EPHA10: variants seen among roughly 807,000 people sequenced by gnomAD.
EPHA10 encodes ephrin type-A receptor 10.
In EPHA10, 120 loss-of-function variants were observed where a neutral mutation model predicts 109.7. The observed-to-expected ratio is 1.09, with a 90% confidence interval of 0.94 to 1.27. The LOEUF is 1.27. Ranked by LOEUF, EPHA10 falls within the 50% of genes most tolerant of loss-of-function variation. The pLI, the probability that EPHA10 is intolerant of heterozygous loss-of-function variation, is 0.00. For synonymous variants in EPHA10, 640 were observed against 618.9 expected (o/e 1.03, Z -0.51); for missense variants, 1,396 against 1,411.1 (o/e 0.99, Z 0.17).
chr1:37,740,088 TAAATAA>T (rs918378110), intron 5 of EPHA10, among the ~76,000 whole-genome samples: 1 of 151,704 alleles, frequency 6.6e-6, no homozygotes, highest in African/African-American at 2.4e-5. Context: ...AAAAAATAAA[TAAATAA>T]AAATAAAGGA....
chr1:37,720,314 A>G (rs1178857849), intron 13 of EPHA10, 37 bp downstream of exon 13: 2 of 1,564,840 alleles, frequency 1.3e-6, no homozygotes, highest in Non-Finnish European at 1.7e-6. Flanking sequence ...GGTGGGAACC[A>G]GAAGGCACAG....
intron 1 of EPHA10, among the ~76,000 whole-genome samples, chr1:37,763,596 TG>T (rs1418072131): frequency 2.0e-5 from 3 of 151,878 alleles, no homozygotes; most frequent in Non-Finnish European, 4.4e-5. Flanking sequence ...GCTCTCAGAT[TG>T]GGGGTGGGAG....
At chr1:37,722,456 G>T (rs935985552) in intron 10 of EPHA10, among the ~76,000 whole-genome samples, 3 of 152,202 alleles carry the variant, frequency 2.0e-5, no homozygotes, top group Non-Finnish European at 4.4e-5. Context: ...CAGGCTCCCA[G>T]TGAAAGCAGC....
At chr1:37,758,161 C>T (rs571598909) in intron 3 of EPHA10, among the ~76,000 whole-genome samples, 1 of 152,250 alleles carries the variant, frequency 6.6e-6, no homozygotes, top group South Asian at 2.1e-4. Flanking sequence ...TGACTAAAAT[C>T]TGGCCTGCTT....
intron 5 of EPHA10, among the ~76,000 whole-genome samples, chr1:37,748,480 G>A (rs1022640217): frequency 6.6e-6 from 1 of 152,180 alleles, no homozygotes; most frequent in Non-Finnish European, 1.5e-5. Context: ...CTGTCCCAGA[G>A]CAGAGAAAAA....
intron 3 of EPHA10, among the ~76,000 whole-genome samples, chr1:37,758,033 A>G (rs1375556726): frequency 6.6e-6 from 1 of 152,176 alleles, no homozygotes; most frequent in African/African-American, 2.4e-5. Flanking sequence ...TAACCTCATC[A>G]AATACTACAT....
chr1:37,718,872 G>A, intron 15 of EPHA10, 56 bp from the exon 16 acceptor site: 2 of 1,544,184 alleles, frequency 1.3e-6, no homozygotes, highest in Non-Finnish European at 1.7e-6. Context: ...CCCACACCTG[G>A]TGGTCTCCCG....
intron 5 of EPHA10, among the ~76,000 whole-genome samples, chr1:37,752,474 T>G (rs579086): frequency 0.34 from 51,592 of 151,618 alleles, 8,815 homozygotes; most frequent in Middle Eastern, 0.46. Flanking sequence ...AAAGGGAAGG[T>G]AAGAGATTAA....
In EPHA10 at chr1:37,722,480, C is replaced by T. The variant is rs569397692; in HGVS notation, c.1960+561G>A. 1.1e-3 allele frequency among the ~76,000 whole-genome samples: 171 copies of T among 152,312 alleles called. 1 individual carries two copies. Among genetic ancestry groups the T allele is most frequent in the African/African-American group, 3.9e-3 (162 of 41,568 alleles). On this transcript the variant is annotated intron_variant, in intron 10 of 16. Coordinates refer to ENST00000373048, the MANE Select transcript of EPHA10 (RefSeq NM_001099439.2). The stretch of plus-strand genomic sequence containing the variant: ...AGTGAAAGCAGCTACCGTCTCTGAG[C>T]ACAGGAGGCTGAGGATTTGTAGTCA...
chr1:37,753,101 G>A lies in EPHA10; in HGVS notation c.1132C>T (p.Leu378=). 2 of 1,367,176 alleles carry A rather than the reference G, an allele frequency of 1.5e-6. No individual in the cohort carries two copies. Among genetic ancestry groups the A allele is most frequent in the Non-Finnish European group, 1.9e-6 (2 of 1,058,410 alleles). The allele number at this position is 1,367,176 out of a possible 1,614,324, so 84.7% of individuals were successfully genotyped here. ...GCCGGGCCCTCGCGGCCGCAGCGCA[G>A]GCACAGCAGCGAGTAGGTGACGTCC... ...RSDVTYSLLC[L]RCGREGPAGA... The change falls in exon 5 of 17, where the codon CTG becomes TTG. Residue 378 remains leucine (L), a synonymous_variant. Transcript: ENST00000373048.
At chr1:37,733,918 G>C (rs1279613445) in intron 6 of EPHA10, among the ~76,000 whole-genome samples, 1 of 152,026 alleles carries the variant, frequency 6.6e-6, no homozygotes, top group African/African-American at 2.4e-5. Flanking sequence ...GCAAAACCAG[G>C]TTCATCACCT....
rs376853700 is a variant in EPHA10, at chr1:37,761,616, G to A, written c.639C>T (p.Ala213=). The A allele has an allele frequency of 6.2e-7, 1 of 1,603,580 alleles. No individual in the cohort carries two copies. ...GGAACGTGGCCAGGCCCCGCACGGT[G>A]GCGCGGCACTGCTTGTAGTAGACGC... ...SVRVYYKQCR[A]TVRGLATFPA... The change falls in exon 3 of 17, where the codon GCC becomes GCT. Residue 213 remains alanine, a synonymous_variant. Coordinates refer to ENST00000373048, the MANE Select transcript of EPHA10 (RefSeq NM_001099439.2).
intron 8 of EPHA10, 145 bp downstream of exon 8, chr1:37,726,957 G>A: frequency 1.9e-6 from 1 of 522,824 alleles, no homozygotes; most frequent in Non-Finnish European, 3.3e-6. Flanking sequence ...GGGCCGGGAT[G>A]ATGCATGCCT....
In EPHA10 at chr1:37,720,062, T is replaced by C. The variant is rs1388735414; in HGVS notation, c.2413-4A>G. 1.9e-6 allele frequency: 3 copies of C among 1,613,158 alleles called. No homozygotes were observed. In the African/African-American group the frequency reaches 4.0e-5, roughly 22 times the overall value. On this transcript the variant is annotated splice_region_variant and splice_polypyrimidine_tract_variant and intron_variant, in intron 13 of 16. Transcript: ENST00000373048. ...ATAGCGCTGGGCTCCGGCCACTCTG[T>C]AGGGGCAGGCAGGTCAGGGGCAAGG...
At chr1:37,729,343 T>C (rs1469995658) in intron 7 of EPHA10, among the ~76,000 whole-genome samples, 2 of 152,192 alleles carry the variant, frequency 1.3e-5, no homozygotes, top group Non-Finnish European at 2.9e-5. Context: ...TAAATATTTG[T>C]TGTTTTCACC....
intron 5 of EPHA10, among the ~76,000 whole-genome samples, chr1:37,751,997 C>T (rs1646335218): frequency 6.6e-6 from 1 of 152,144 alleles, no homozygotes; most frequent in Non-Finnish European, 1.5e-5. Flanking sequence ...TAACCCTAGC[C>T]TCAGACTTCT....
intron 5 of EPHA10, among the ~76,000 whole-genome samples, chr1:37,736,312 C>A (rs12036790): frequency 0.17 from 26,408 of 151,796 alleles, 2,474 homozygotes; most frequent in South Asian, 0.23. Context: ...CCTGTCTCTG[C>A]TAAAGAAATG....
intron 6 of EPHA10, chr1:37,734,761 T>C (rs189074700): frequency 1.3e-5 from 5 of 384,214 alleles, no homozygotes; most frequent in African/African-American, 2.1e-5. Flanking sequence ...CTGTAAATGC[T>C]GTGCTACACT....
rs1362157498 is a variant in EPHA10 at position 37,717,176 on chromosome 1, G to A, written c.*1196C>T. 4.3e-6 allele frequency: 1 copy of A among 232,930 alleles called. No individual in the cohort carries two copies. Among genetic ancestry groups the A allele is most frequent in the East Asian group, 6.0e-5 (1 of 16,556 alleles). 14.4% of individuals were successfully genotyped at this position (232,930 alleles called of 1,614,324 possible). A position where few individuals can be genotyped will look rare whatever the true frequency, so the allele number is the denominator to read the frequency against. ...GCATACTGGGCCCCACCATTCCCGG[G>A]GGCCCTTGTGGATAAGGAACTCCAC... On this transcript the variant is annotated 3_prime_UTR_variant, in exon 17 of 17. Transcript: ENST00000373048.
Sources: gnomAD v4.1 joint callset for allele counts (sites outside exome capture counted in the v4.1 genomes callset) on GRCh38, gnomAD v4.1.1 for gene constraint, MANE v1.5 for transcripts, NCBI Gene and HGNC (gene_info 2026-07-23, HGNC 2026-07-21) for gene names.